UBAP2L: variants seen among roughly 807,000 people sequenced by gnomAD.
UBAP2L encodes ubiquitin associated protein 2 like, also known as ubiquitin-associated protein 2-like.
In UBAP2L, 12 loss-of-function variants were observed where a neutral mutation model predicts 130.6. That is an observed-to-expected ratio of 0.09 (90% CI 0.06 to 0.15). UBAP2L has a LOEUF of 0.15. Among genes scored for constraint, UBAP2L ranks in the 10% least tolerant of loss-of-function variants. The pLI is 1.00. For synonymous variants in UBAP2L, 503 were observed against 524.7 expected (o/e 0.96, Z 0.57); for missense variants, 965 against 1,332.5 (o/e 0.72, Z 4.29).
At position 154,237,013 on chromosome 1, in the gene UBAP2L, A is replaced by T; in HGVS notation, c.591-11A>T. ...TAGAGGTCAGAGACTCTTAAGTTTTATTTTTTCCAGAACCTTTAACCCAGC... is the reference window on the plus strand; with the variant it reads ...TAGAGGTCAGAGACTCTTAAGTTTTTTTTTTTCCAGAACCTTTAACCCAGC... On this transcript the variant is annotated splice_polypyrimidine_tract_variant and intron_variant, in intron 7 of 26. Coordinates refer to ENST00000428931, the MANE Select transcript of UBAP2L (RefSeq NM_014847.4). The T allele has an allele frequency of 6.2e-7, 1 of 1,610,642 alleles. No individual in the cohort carries two copies. Among genetic ancestry groups the T allele is most frequent in the Non-Finnish European group, 8.5e-7 (1 of 1,177,474 alleles).
At chr1:154,225,552 C>G (rs1365471008) in intron 2 of UBAP2L, among the ~76,000 whole-genome samples, 1 of 151,990 alleles carries the variant, frequency 6.6e-6, no homozygotes, top group African/African-American at 2.4e-5. Flanking sequence ...CATTTGTAGC[C>G]TCAACCTCTG....
At chr1:154,235,044 C>A (rs972444916) in intron 5 of UBAP2L, 152 bp from the exon 6 acceptor site, 1 of 650,372 alleles carries the variant, frequency 1.5e-6, no homozygotes, top group African/African-American at 1.8e-5. Flanking sequence ...TCCCATCCTT[C>A]CAGCTCATTT....
At chr1:154,221,874 AG>A (rs1184763784) in intron 1 of UBAP2L, among the ~76,000 whole-genome samples, 1 of 152,186 alleles carries the variant, frequency 6.6e-6, no homozygotes. Context: ...TTTACGCTTA[AG>A]GGACGTCACT....
Position 154,260,896 on chromosome 1 carries a change from C to G in UBAP2L, c.2583C>G (p.Asp861Glu), listed in dbSNP as rs1336908023. The G allele has an allele frequency of 6.2e-7, 1 of 1,614,040 alleles. No homozygotes were observed. The highest frequency in any genetic ancestry group is 8.5e-7 in the Non-Finnish European group (1 of 1,180,030). ...ATTTAGCTTCTCCTGTCACAGGTGA[C>G]CTCACAAAGTTCGGCCGTGGGGATG... is the stretch of plus-strand genomic sequence containing the variant. ...GSLASNPYSGDLTKFGRGDAS... is the reference protein window; with the variant it reads ...GSLASNPYSGELTKFGRGDAS... The change falls in exon 23 of 27, where the codon GAC becomes GAG. Residue 861 changes from aspartate to glutamate, a missense_variant. Asp to Glu is a conservative substitution (Grantham distance 45). Transcript: ENST00000428931.
chr1:154,223,390 G>A (rs991623947), intron 1 of UBAP2L, among the ~76,000 whole-genome samples: 1 of 152,148 alleles, frequency 6.6e-6, no homozygotes, highest in Non-Finnish European at 1.5e-5. Context: ...GGTTGGAAAT[G>A]ACTATGCCAT....
chr1:154,236,058 A>T (rs1397301810), intron 6 of UBAP2L, among the ~76,000 whole-genome samples: 1 of 152,196 alleles, frequency 6.6e-6, no homozygotes, highest in Admixed American at 6.5e-5. Context: ...TTGCTTGAGG[A>T]CATGGTAGTC....
chr1:154,250,867 A>G (rs916263312), intron 12 of UBAP2L, among the ~76,000 whole-genome samples, 174 bp from the exon 13 acceptor site: 1 of 151,544 alleles, frequency 6.6e-6, no homozygotes, highest in African/African-American at 2.4e-5. Context: ...AAAAAAAAAA[A>G]GATGTAATCC....
At chr1:154,249,929 G>A (rs1397224067) in intron 12 of UBAP2L, among the ~76,000 whole-genome samples, 1 of 151,718 alleles carries the variant, frequency 6.6e-6, no homozygotes, top group Non-Finnish European at 1.5e-5. Flanking sequence ...GTTGATTGGG[G>A]TTTTAATTAT....
At chr1:154,259,138 A>T in intron 21 of UBAP2L, 108 bp downstream of exon 21, 1 of 999,496 alleles carries the variant, frequency 1.0e-6, no homozygotes, top group Non-Finnish European at 1.6e-6. Flanking sequence ...CCCTCCATAC[A>T]CTCTGATTTA....
intron 18 of UBAP2L, among the ~76,000 whole-genome samples, chr1:154,256,502 G>T (rs1571900466): frequency 6.6e-6 from 1 of 152,086 alleles, no homozygotes; most frequent in Non-Finnish European, 1.5e-5. Context: ...GGCCAAGCAT[G>T]GTGGTACATT....
At chr1:154,265,112 A>G (rs182018241) in intron 24 of UBAP2L, among the ~76,000 whole-genome samples, 8 of 152,142 alleles carry the variant, frequency 5.3e-5, no homozygotes, top group Admixed American at 1.3e-4. Flanking sequence ...TATTTTTCCT[A>G]GTTAGTGTTT....
rs755244351 is a variant in UBAP2L at position 154,257,389 on chromosome 1, G to A, written c.2397G>A (p.Leu799=). 3.1e-6 allele frequency: 5 copies of A among 1,613,392 alleles called. No individual in the cohort carries two copies. Among genetic ancestry groups the A allele is most frequent in the South Asian group, 1.1e-5 (1 of 91,038 alleles). The change falls in exon 20 of 27, where the codon TTG becomes TTA. Residue 799 remains leucine, a synonymous_variant. Coordinates refer to ENST00000428931, the MANE Select transcript of UBAP2L (RefSeq NM_014847.4). ...PNLPPGVPPL[L]PNPYIMAPGL... ...TCCCTCCTGGGGTCCCGCCGTTGTT[G>A]CCTAATCCGTATATTATGGCTCCAG...
At chr1:154,268,351 C>T (rs767293301) in intron 25 of UBAP2L, among the ~76,000 whole-genome samples, 3 of 152,124 alleles carry the variant, frequency 2.0e-5, no homozygotes, top group Non-Finnish European at 2.9e-5. Flanking sequence ...CCACCATGCC[C>T]GGCTAATTTT....
chr1:154,244,319 T>C (rs907259680), intron 10 of UBAP2L, among the ~76,000 whole-genome samples: 3 of 152,194 alleles, frequency 2.0e-5, no homozygotes, highest in African/African-American at 7.2e-5. Context: ...CCTTTCAAGT[T>C]TGATAACTCA....
intron 4 of UBAP2L, among the ~76,000 whole-genome samples, chr1:154,233,614 C>T (rs1022381402): frequency 1.3e-5 from 2 of 150,902 alleles, no homozygotes; most frequent in Non-Finnish European, 2.9e-5. Flanking sequence ...TGAGCCACCG[C>T]ACCTGGCCAC....
chr1:154,246,160 G>A (rs776508351), intron 10 of UBAP2L, 44 bp from the exon 11 acceptor site: 20 of 1,538,170 alleles, frequency 1.3e-5, no homozygotes, highest in South Asian at 2.4e-5. Context: ...GAATGTTAGC[G>A]TGTTCAGTCA....
chr1:154,255,863 A>T lies in UBAP2L; in HGVS notation c.2157+108A>T, dbSNP rs1379210433. ...TGAAAATTTCTTCATGAGGTGGCAAAATAATTGATTTGAGGTTGCAGGAAA... is the reference window on the plus strand; with the variant it reads ...TGAAAATTTCTTCATGAGGTGGCAATATAATTGATTTGAGGTTGCAGGAAA... On this transcript the variant is annotated intron_variant, in intron 18 of 26. Transcript: ENST00000428931. The T allele has an allele frequency of 2.2e-6, 3 of 1,347,426 alleles. No homozygotes were observed. In the African/African-American group the frequency reaches 4.3e-5, roughly 19 times the overall value. 83.5% of individuals were successfully genotyped at this position (1,347,426 alleles called of 1,614,324 possible).
chr1:154,236,874 A>G, intron 7 of UBAP2L, 150 bp from the exon 8 acceptor site: 1 of 685,548 alleles, frequency 1.5e-6, no homozygotes, highest in Non-Finnish European at 2.5e-6. Context: ...TAGAGTGATA[A>G]GTGAGAAAAA....
rs1002995095 is a variant in UBAP2L at position 154,251,521 on chromosome 1, T to C, written c.1532T>C (p.Ile511Thr). Residue 511 changes from isoleucine to threonine, a missense_variant, in exon 14 of 27, where the codon ATC becomes ACC. By Grantham distance (89) the Ile-to-Thr change is moderately conservative. Around this residue, in one of 9 missense-constraint regions of UBAP2L, gnomAD observed 393 missense variants for 408.1 expected, o/e 0.96. Transcript: ENST00000428931. ...LAVEMPGSAD[I>T]SGLNLQFGAL... is the part of the protein sequence containing the mutation. ...GTGGAGATGCCTGGCTCAGCAGATATCTCAGGGCTAAACCTGCAGTTTGGG... is the reference window on the plus strand; with the variant it reads ...GTGGAGATGCCTGGCTCAGCAGATACCTCAGGGCTAAACCTGCAGTTTGGG... 5.6e-6 allele frequency: 9 copies of C among 1,614,078 alleles called. No individual in the cohort carries two copies. Among genetic ancestry groups the C allele is most frequent in the Non-Finnish European group, 6.8e-6 (8 of 1,180,016 alleles).
Sources: gnomAD v4.1 joint callset for allele counts (sites outside exome capture counted in the v4.1 genomes callset) on GRCh38, gnomAD v4.1.1 for gene constraint, gnomAD v4.1.1 regional missense constraint, MANE v1.5 for transcripts, NCBI Gene and HGNC (gene_info 2026-07-23, HGNC 2026-07-21) for gene names.